The following SVIL variants were observed in gnomAD, a reference collection of about 807,000 sequenced individuals.
SVIL encodes the protein archvillin.
A neutral mutation model predicts 240.4 loss-of-function variants in SVIL; 101 were observed. The ratio of observed to expected loss-of-function variants is 0.42; its 90% CI spans 0.36 to 0.50. The LOEUF (loss-of-function observed/expected upper bound fraction) is 0.50. SVIL is among the 20% of genes least tolerant of loss of function. The pLI is 0.01. For missense variants in SVIL, 2,512 were observed against 2,818.7 expected, an observed-to-expected ratio of 0.89 and a Z score of 2.46; for synonymous variants, 999 against 1,100.0, an observed-to-expected ratio of 0.91 and a Z score of 1.82.
At chr10:29,552,133 A>AC (rs1193022112) in intron 5 of SVIL, among the ~76,000 whole-genome samples, 2 of 151,844 alleles carry the variant, frequency 1.3e-5, no homozygotes, top group East Asian at 3.9e-4. Flanking sequence ...ACAAAACAAA[A>AC]AAAAAAACCT....
At chr10:29,704,656 C>T (rs1276129653) in intron 1 of SVIL, among the ~76,000 whole-genome samples, 1 of 152,140 alleles carries the variant, frequency 6.6e-6, no homozygotes, top group Non-Finnish European at 1.5e-5. Context: ...TTGATCATTT[C>T]CCCCCGCAAA....
chr10:29,512,971 G>A lies in SVIL; in HGVS notation c.3390-110C>T, dbSNP rs879115401. On this transcript the variant is annotated intron_variant, in intron 16 of 37. Transcript: ENST00000355867. ...CTTGGGCCAAGATATGACCACAGCC[G>A]CCTCGTTTTAACATTTTGAATTTCA... is the stretch of plus-strand genomic sequence containing the variant. 20 of 1,418,498 alleles carry A rather than the reference G, an allele frequency of 1.4e-5. No individual in the cohort carries two copies. In the South Asian group the frequency reaches 1.8e-4, roughly 13 times the overall value. The allele number at this position is 1,418,498 out of a possible 1,614,324, so 87.9% of individuals were successfully genotyped here. A position where few individuals can be genotyped will look rare whatever the true frequency, so the allele number is the denominator to read the frequency against.
At chr10:29,469,756 C>T (rs1188150182) in intron 32 of SVIL, among the ~76,000 whole-genome samples, 1 of 152,176 alleles carries the variant, frequency 6.6e-6, no homozygotes, top group African/African-American at 2.4e-5. Flanking sequence ...AAACCCAACC[C>T]GGAAGTGCTG....
intron 7 of SVIL, among the ~76,000 whole-genome samples, chr10:29,534,261 G>A (rs1951587768): frequency 6.6e-6 from 1 of 152,194 alleles, no homozygotes; most frequent in African/African-American, 2.4e-5. Context: ...ACAACCTTTT[G>A]GGAGGCCTGG....
intron 16 of SVIL, among the ~76,000 whole-genome samples, chr10:29,520,845 G>A (rs1039517211): frequency 3.3e-5 from 5 of 150,800 alleles, no homozygotes; most frequent in Middle Eastern, 3.2e-3. Context: ...GTGTCCAGGA[G>A]TTCGAGGCTG....
At chr10:29,663,370 C>T (rs1407777911) in intron 2 of SVIL, among the ~76,000 whole-genome samples, 1 of 152,104 alleles carries the variant, frequency 6.6e-6, no homozygotes, top group African/African-American at 2.4e-5. Flanking sequence ...TCTCAATCAA[C>T]AGATACTTAT....
intron 1 of SVIL, among the ~76,000 whole-genome samples, chr10:29,704,944 G>A (rs1019298866): frequency 5.9e-5 from 9 of 152,108 alleles, no homozygotes; most frequent in Admixed American, 4.6e-4. Flanking sequence ...ATTACTTCTC[G>A]CTTATGTAAC....
intron 10 of SVIL, 108 bp downstream of exon 10, chr10:29,531,146 C>T: frequency 9.7e-7 from 1 of 1,026,840 alleles, no homozygotes; most frequent in Non-Finnish European, 1.4e-6. Context: ...CAAAGGGAGA[C>T]ACTGTTATGC....
chr10:29,669,299 T>C (rs962955134), intron 2 of SVIL, among the ~76,000 whole-genome samples: 1 of 152,090 alleles, frequency 6.6e-6, no homozygotes, highest in African/African-American at 2.4e-5. Context: ...GATGGGAGTA[T>C]GACTGGTCTG....
chr10:29,651,714 C>T (rs1374487631), intron 3 of SVIL, among the ~76,000 whole-genome samples: 2 of 151,490 alleles, frequency 1.3e-5, no homozygotes, highest in Admixed American at 6.6e-5. Flanking sequence ...GATTACTCCT[C>T]GGAGTTCTAG....
At chr10:29,680,137 A>G (rs2132584140) in intron 2 of SVIL, among the ~76,000 whole-genome samples, 1 of 152,320 alleles carries the variant, frequency 6.6e-6, no homozygotes, top group Non-Finnish European at 1.5e-5. Flanking sequence ...GTGAGCCGTG[A>G]CTGTGCTACT....
rs188917703 is a variant in SVIL, at chr10:29,491,350, C to T, written c.4020-331G>A. On this transcript the variant is annotated intron_variant, in intron 21 of 37. Transcript: ENST00000355867. Reference sequence around the variant, plus strand: ...GGGAGCTCTTCCCTCCCCCCTACCACGCCCATGCACACGTCCTAATTCTCG... The same window carrying T: ...GGGAGCTCTTCCCTCCCCCCTACCATGCCCATGCACACGTCCTAATTCTCG... Among the ~76,000 whole-genome samples, 11 of 152,194 alleles carry T rather than the reference C, an allele frequency of 7.2e-5. No individual in the cohort carries two copies. The East Asian group carries it at 1.9e-3, about 27-fold the overall frequency.
intron 1 of SVIL, among the ~76,000 whole-genome samples, chr10:29,690,092 A>T (rs964281022): frequency 1.3e-5 from 2 of 152,226 alleles, no homozygotes; most frequent in African/African-American, 4.8e-5. Flanking sequence ...ATATCTTTGT[A>T]ACACTGGTCA....
Position 29,458,233 on chromosome 10 carries a change from T to C in SVIL, c.*14A>G. 2.5e-6 allele frequency: 4 copies of C among 1,613,702 alleles called. No individual in the cohort carries two copies. The Middle Eastern group carries it at 6.6e-4, about 268-fold the overall frequency. ...GTTGGACGTGACCGTGAGGCTCCTC[T>C]GGCGTCTCCCCACTCAGAACAGGCC... On this transcript the variant is annotated 3_prime_UTR_variant, in exon 38 of 38. Coordinates refer to ENST00000355867, the MANE Select transcript of SVIL (RefSeq NM_021738.3).
chr10:29,621,470 G>GC (rs1270803185), intron 1 of SVIL, among the ~76,000 whole-genome samples: 8 of 152,358 alleles, frequency 5.3e-5, no homozygotes, highest in Admixed American at 5.2e-4. Context: ...GGGCTACCCC[G>GC]CAGCGGGCCA....
intron 1 of SVIL, among the ~76,000 whole-genome samples, chr10:29,723,571 A>G (rs1180479133): frequency 3.3e-5 from 5 of 152,168 alleles, no homozygotes; most frequent in African/African-American, 1.2e-4. Flanking sequence ...AATTATTATT[A>G]TATAATAGGA....
In SVIL at chr10:29,523,553, C is replaced by T. The variant is rs1950699853; in HGVS notation, c.3061G>A (p.Ala1021Thr). The T allele has an allele frequency of 6.2e-7, 1 of 1,614,050 alleles. No homozygotes were observed. Among genetic ancestry groups the T allele is most frequent in the Admixed American group, 1.7e-5 (1 of 60,008 alleles). The change falls in exon 15 of 38, where the codon GCT becomes ACT. Residue 1021 changes from alanine to threonine, a missense_variant. Ala to Thr is a moderately conservative substitution (Grantham distance 58). Coordinates refer to ENST00000355867, the MANE Select transcript of SVIL (RefSeq NM_021738.3). Reference sequence around the variant, plus strand: ...AAGTTTCCTTGTGCATTCATTTTAGCCATGGAAAATTCCTTCGGTTCATCC... The same window carrying T: ...AAGTTTCCTTGTGCATTCATTTTAGTCATGGAAAATTCCTTCGGTTCATCC... ...LGDEPKEFSM[A>T]KMNAQGNLDL...
chr10:29,714,481 C>T (rs1285335159), intron 1 of SVIL, among the ~76,000 whole-genome samples: 1 of 152,126 alleles, frequency 6.6e-6, no homozygotes, highest in East Asian at 1.9e-4. Flanking sequence ...AGAACAAAGT[C>T]TTTTTCTCAA....
At chr10:29,470,182 T>G in intron 32 of SVIL, 94 bp downstream of exon 32, 1 of 1,427,288 alleles carries the variant, frequency 7.0e-7, no homozygotes, top group Admixed American at 1.8e-5. Context: ...TTCAGCACCC[T>G]GGGATCTGCT....
Sources: allele counts gnomAD v4.1 joint callset (sites outside exome capture counted in the v4.1 genomes callset), GRCh38; gene constraint gnomAD v4.1.1; transcripts MANE v1.5; gene names NCBI Gene and HGNC (gene_info 2026-07-23, HGNC 2026-07-21).